Variants in PCSK6 observed in about 807,000 individuals in gnomAD.
PCSK6 encodes the protein proprotein convertase subtilisin/kexin type 6, also known as paired basic amino acid cleaving enzyme 4.
PCSK6 carries 85 observed loss-of-function variants against 123.3 expected under a neutral mutation model. The observed-to-expected ratio is 0.69, with a 90% CI of 0.58 to 0.83. The LOEUF is 0.83. PCSK6 is among the 40% of genes least tolerant of loss of function. The pLI is 0.00. For missense variants in PCSK6, 1,191 were observed against 1,282.3 expected, an observed-to-expected ratio of 0.93 and a Z score of 1.09; for synonymous variants, 508 against 516.0, an observed-to-expected ratio of 0.98 and a Z score of 0.21.
chr15:101,457,890 A>C (rs1377225036), intron 1 of PCSK6, among the ~76,000 whole-genome samples: 3 of 152,156 alleles, frequency 2.0e-5, no homozygotes, highest in South Asian at 2.1e-4. Context: ...TTAAGTCCAA[A>C]ACTTCTGATT....
In PCSK6 at chr15:101,370,523, C is replaced by A; in HGVS notation, c.1533G>T (p.Arg511Ser). ...GCAGCACCTGCACTAAGGGGATGCT[C>A]CTGGGGGAGAAGGGAGGGCTCAGCA... is the stretch of plus-strand genomic sequence containing the variant. ...MCVAASDKRP[R>S]SIPLVQVLRT... The change falls in exon 12 of 22, where the codon AGG becomes AGT. Residue 511 changes from arginine (R) to serine (S), a missense_variant and splice_region_variant. This residue lies in a region of PCSK6 where 630 missense variants were observed against 631.4 expected (regional missense o/e 1.00). Coordinates refer to ENST00000611716, the MANE Select transcript of PCSK6 (RefSeq NM_002570.5). 6.8e-7 allele frequency: 1 copy of A among 1,474,346 alleles called. No individual in the cohort carries two copies. The allele number at this position is 1,474,346 out of a possible 1,614,324, so 91.3% of individuals were successfully genotyped here.
chr15:101,381,484 G>C (rs1214969114), intron 11 of PCSK6, among the ~76,000 whole-genome samples: 2 of 152,134 alleles, frequency 1.3e-5, no homozygotes, highest in African/African-American at 4.8e-5. Context: ...CCTTCTGCTC[G>C]AGCCTTGTTA....
intron 12 of PCSK6, 93 bp downstream of exon 12, chr15:101,370,242 A>C: frequency 1.8e-6 from 2 of 1,105,292 alleles, no homozygotes; most frequent in Non-Finnish European, 2.4e-6. Context: ...AGGGCCTTGC[A>C]GAGACACTGT....
At chr15:101,421,073 A>G (rs1247503254) in intron 6 of PCSK6, among the ~76,000 whole-genome samples, 3 of 152,170 alleles carry the variant, frequency 2.0e-5, no homozygotes, top group Admixed American at 6.5e-5. Flanking sequence ...CAGCCTCCCA[A>G]GTAGCTGGGA....
chr15:101,305,415 G>T lies in PCSK6; in HGVS notation c.2813-60C>A. On this transcript the variant is annotated intron_variant, in intron 21 of 21. Transcript: ENST00000611716. This position sits in a 1 kb window ranked among gnomAD's most constrained non-coding sequence, Gnocchi z 4.8. Reference sequence around the variant, plus strand: ...AAGGTCAGTCTTCGGTGCCTGTGAAGATTGTTTCAAGGCCGGGCGCGGTGC... The same window carrying T: ...AAGGTCAGTCTTCGGTGCCTGTGAATATTGTTTCAAGGCCGGGCGCGGTGC... The T allele has an allele frequency of 6.9e-7, 1 of 1,454,524 alleles. No homozygotes were observed. Among genetic ancestry groups the T allele is most frequent in the Non-Finnish European group, 9.5e-7 (1 of 1,055,880 alleles). 90.1% of individuals were successfully genotyped at this position (1,454,524 alleles called of 1,614,324 possible). A position where few individuals can be genotyped will look rare whatever the true frequency, so the allele number is the denominator to read the frequency against.
chr15:101,474,106 A>G (rs1359104904), intron 1 of PCSK6, among the ~76,000 whole-genome samples: 1 of 152,210 alleles, frequency 6.6e-6, no homozygotes, highest in African/African-American at 2.4e-5. Context: ...GACAGCAATA[A>G]GGTTTCTTTT....
At chr15:101,466,919 A>G (rs1278633031) in intron 1 of PCSK6, among the ~76,000 whole-genome samples, 1 of 152,100 alleles carries the variant, frequency 6.6e-6, no homozygotes, top group Non-Finnish European at 1.5e-5. Flanking sequence ...ATGTTATCAG[A>G]TGGGGTGCGG....
At chr15:101,390,989 C>T (rs1441001405) in intron 8 of PCSK6, among the ~76,000 whole-genome samples, 2 of 144,660 alleles carry the variant, frequency 1.4e-5, no homozygotes, top group East Asian at 2.3e-4. Context: ...CAATCCAGAT[C>T]CTCTTCCGAA....
At position 101,324,831 on chromosome 15, in the gene PCSK6, C is replaced by T. The variant is rs919145735; in HGVS notation, c.2377+19G>A. 1.8e-5 allele frequency: 29 copies of T among 1,600,914 alleles called. No individual in the cohort carries two copies. The highest frequency in any genetic ancestry group is 2.4e-5 in the Non-Finnish European group (28 of 1,171,234). ...GGGGCTGGCTCATCAGTTCTTGTAC[C>T]CACAAACAAGCCACTTACTTTCATC... On this transcript the variant is annotated intron_variant, in intron 17 of 21. Transcript: ENST00000611716.
At chr15:101,454,690 C>T (rs1305870889) in intron 1 of PCSK6, among the ~76,000 whole-genome samples, 1 of 151,952 alleles carries the variant, frequency 6.6e-6, no homozygotes, top group Non-Finnish European at 1.5e-5. Flanking sequence ...CCTGTAATTC[C>T]AGCACTTTGG....
intron 13 of PCSK6, among the ~76,000 whole-genome samples, chr15:101,335,542 A>T (rs1040299960): frequency 9.8e-5 from 15 of 152,330 alleles, no homozygotes; most frequent in Non-Finnish European, 1.6e-4. Context: ...GAAGCATTTT[A>T]TTCTTATTCA....
intron 7 of PCSK6, among the ~76,000 whole-genome samples, chr15:101,395,873 T>C (rs2042397956): frequency 1.3e-5 from 2 of 152,142 alleles, no homozygotes; most frequent in Non-Finnish European, 2.9e-5. Context: ...AATAACTAGG[T>C]GTGAGAGGAG....
intron 1 of PCSK6, among the ~76,000 whole-genome samples, chr15:101,454,427 G>C (rs12905649): frequency 0.34 from 52,334 of 151,948 alleles, 9,498 homozygotes; most frequent in Non-Finnish European, 0.41. Flanking sequence ...ACACACGATG[G>C]AATATGGCTC....
At chr15:101,338,535 G>T (rs1324176098) in intron 13 of PCSK6, among the ~76,000 whole-genome samples, 1 of 152,132 alleles carries the variant, frequency 6.6e-6, no homozygotes, top group South Asian at 2.1e-4. Flanking sequence ...GCCAGACCAG[G>T]GTCTACACTC....
intron 2 of PCSK6, among the ~76,000 whole-genome samples, chr15:101,436,170 G>A (rs1457401528): frequency 6.6e-6 from 1 of 152,222 alleles, no homozygotes; most frequent in Non-Finnish European, 1.5e-5. Context: ...GCCCTGCTGT[G>A]GCTCAGGAAG....
intron 13 of PCSK6, 99 bp from the exon 14 acceptor site, chr15:101,332,130 G>T: frequency 2.6e-6 from 3 of 1,139,606 alleles, no homozygotes; most frequent in Non-Finnish European, 3.7e-6. Context: ...CCTGATAGCT[G>T]GGCTCTGGCC....
In PCSK6 at chr15:101,349,311, G is replaced by T. The variant is rs182641223; in HGVS notation, c.1858+16885C>A. 5.9e-5 allele frequency among the ~76,000 whole-genome samples: 9 copies of T among 152,330 alleles called. No individual in the cohort carries two copies. The East Asian group carries it at 1.7e-3, about 29-fold the overall frequency. ...TTTTCTCGGGAAAAGTGTTGCTTAA[G>T]AAGAAGAAAGGAAGAATAGAAATGT... On this transcript the variant is annotated intron_variant, in intron 13 of 21. Coordinates refer to ENST00000611716, the MANE Select transcript of PCSK6 (RefSeq NM_002570.5).
chr15:101,326,486 G>C lies in PCSK6; in HGVS notation c.2078-7C>G, dbSNP rs765185602. On this transcript the variant is annotated splice_region_variant and splice_polypyrimidine_tract_variant and intron_variant, in intron 15 of 21. Coordinates refer to ENST00000611716, the MANE Select transcript of PCSK6 (RefSeq NM_002570.5). Reference sequence around the variant, plus strand: ...CACTCCGGATGGCACACACCTTAAAGAAACAAGCATTGCCTTTCATCCAGA... The same window carrying C: ...CACTCCGGATGGCACACACCTTAAACAAACAAGCATTGCCTTTCATCCAGA... 1 of 1,569,146 alleles carries C rather than the reference G, an allele frequency of 6.4e-7. No individual in the cohort carries two copies. The highest frequency in any genetic ancestry group is 1.2e-5 in the South Asian group (1 of 85,076).
At chr15:101,372,452 C>T in intron 11 of PCSK6, among the ~76,000 whole-genome samples, 1 of 152,202 alleles carries the variant, frequency 6.6e-6, no homozygotes, top group African/African-American at 2.4e-5. Context: ...TTTGCATGCA[C>T]CATAAATTGA....
Sources: allele counts gnomAD v4.1 joint callset (sites outside exome capture counted in the v4.1 genomes callset), GRCh38; gene constraint gnomAD v4.1.1; regional missense constraint gnomAD v4.1.1; non-coding constraint Gnocchi (gnomAD v3.1); transcripts MANE v1.5; gene names NCBI Gene and HGNC (gene_info 2026-07-23, HGNC 2026-07-21).